The following EBF1 variants were observed in gnomAD, a reference collection of about 807,000 sequenced individuals.
The protein encoded by EBF1 is EBF transcription factor 1.
EBF1 carries 10 observed loss-of-function variants against 68.4 expected under a neutral mutation model. The observed-to-expected ratio is 0.15, with a 90% CI of 0.09 to 0.25. The LOEUF is 0.25. Among genes scored for constraint, EBF1 ranks in the 10% least tolerant of loss-of-function variants. EBF1 has a pLI of 1.00. For synonymous variants in EBF1, 298 were observed against 299.8 expected, an observed-to-expected ratio of 0.99 and a Z score of 0.06; for missense variants, 509 against 794.4, an observed-to-expected ratio of 0.64 and a Z score of 4.32.
intron 6 of EBF1, among the ~76,000 whole-genome samples, chr5:158,933,265 C>T (rs146981002): frequency 2.0e-3 from 304 of 151,900 alleles, no homozygotes; most frequent in Non-Finnish European, 3.3e-3. Context: ...CTAAAGGAAG[C>T]GGGGATAGTT....
intron 6 of EBF1, among the ~76,000 whole-genome samples, chr5:158,970,709 C>G (rs1365796269): frequency 6.6e-6 from 1 of 152,186 alleles, no homozygotes; most frequent in East Asian, 1.9e-4. Flanking sequence ...CATGTCCCAA[C>G]TGTAACTCAA....
At chr5:159,075,382 C>T (rs565614408) in intron 5 of EBF1, among the ~76,000 whole-genome samples, 15 of 152,296 alleles carry the variant, frequency 9.8e-5, no homozygotes, top group Admixed American at 2.6e-4. Flanking sequence ...ACAGAGCCCA[C>T]GTCTCCTTTA....
chr5:159,035,093 G>A (rs1769760079), intron 6 of EBF1, among the ~76,000 whole-genome samples: 1 of 152,012 alleles, frequency 6.6e-6, no homozygotes, highest in South Asian at 2.1e-4. Context: ...TTGACTGATT[G>A]AAGCCATCAG....
At chr5:158,751,291 C>T (rs922086548) in intron 10 of EBF1, among the ~76,000 whole-genome samples, 21 of 151,836 alleles carry the variant, frequency 1.4e-4, no homozygotes, top group African/African-American at 4.3e-4. Context: ...GAGAGACGGG[C>T]GAATGAACAA....
chr5:158,752,308 G>C (rs1437725944), intron 10 of EBF1, among the ~76,000 whole-genome samples: 1 of 145,472 alleles, frequency 6.9e-6, no homozygotes, highest in African/African-American at 2.6e-5. Context: ...AAGATTAAAA[G>C]GGGAAAAAGT....
chr5:158,759,077 T>G (rs898017227), intron 10 of EBF1, among the ~76,000 whole-genome samples: 14 of 152,226 alleles, frequency 9.2e-5, no homozygotes, highest in Non-Finnish European at 1.6e-4. Context: ...AAATGACTTG[T>G]GCACTTCACC....
chr5:158,812,022 T>TA (rs1782766057), intron 8 of EBF1, among the ~76,000 whole-genome samples: 1 of 152,210 alleles, frequency 6.6e-6, no homozygotes, highest in Non-Finnish European at 1.5e-5. Context: ...TTAACCATCA[T>TA]TGCAGTTTAA....
intron 6 of EBF1, among the ~76,000 whole-genome samples, chr5:159,030,437 A>G (rs1768549109): frequency 6.6e-6 from 1 of 152,186 alleles, no homozygotes; most frequent in Non-Finnish European, 1.5e-5. Context: ...GAGTAAATAG[A>G]TATACTTTTA....
At chr5:158,793,342 C>A (rs1372643497) in intron 9 of EBF1, among the ~76,000 whole-genome samples, 2 of 152,136 alleles carry the variant, frequency 1.3e-5, no homozygotes, top group Non-Finnish European at 2.9e-5. Flanking sequence ...TGACAAATGG[C>A]CTCAAACTTG....
chr5:158,929,325 T>G, intron 6 of EBF1, among the ~76,000 whole-genome samples: 1 of 152,210 alleles, frequency 6.6e-6, no homozygotes. Flanking sequence ...GCGACAAAGC[T>G]TCTTTAGAAT....
chr5:159,081,659 T>C (rs890092227), intron 5 of EBF1, among the ~76,000 whole-genome samples: 2 of 152,328 alleles, frequency 1.3e-5, no homozygotes, highest in East Asian at 1.9e-4. Context: ...CCCTGAGAAC[T>C]CATGGTCCTA....
At chr5:159,044,197 T>A (rs1285972222) in intron 6 of EBF1, among the ~76,000 whole-genome samples, 1 of 152,216 alleles carries the variant, frequency 6.6e-6, no homozygotes, top group Admixed American at 6.5e-5. Flanking sequence ...GAATACCCAC[T>A]AATGTTTGTT....
intron 7 of EBF1, among the ~76,000 whole-genome samples, chr5:158,836,502 T>C (rs1204044037): frequency 6.6e-6 from 1 of 150,636 alleles, no homozygotes; most frequent in Non-Finnish European, 1.5e-5. Context: ...CAGAGAGAGG[T>C]AGGAGTAAAT....
intron 9 of EBF1, among the ~76,000 whole-genome samples, chr5:158,791,327 A>C (rs1778565482): frequency 6.6e-6 from 1 of 151,942 alleles, no homozygotes; most frequent in Non-Finnish European, 1.5e-5. Context: ...TCAAAAAAAA[A>C]AAAAAAAAAA....
At chr5:159,086,336 G>T (rs1350393503) in intron 4 of EBF1, among the ~76,000 whole-genome samples, 2 of 152,066 alleles carry the variant, frequency 1.3e-5, no homozygotes, top group Non-Finnish European at 2.9e-5. Flanking sequence ...ATCTAAATCA[G>T]AAAATTAACA....
intron 6 of EBF1, among the ~76,000 whole-genome samples, chr5:158,978,425 T>G (rs1297207942): frequency 6.6e-6 from 1 of 152,250 alleles, no homozygotes; most frequent in Admixed American, 6.5e-5. Context: ...TTTATTTTTT[T>G]GGATCTGCTT....
intron 7 of EBF1, among the ~76,000 whole-genome samples, chr5:158,824,008 A>G (rs1211729647): frequency 6.6e-6 from 1 of 152,188 alleles, no homozygotes; most frequent in Non-Finnish European, 1.5e-5. Context: ...AGTGACTGTG[A>G]ACCCAGTTTG....
At chr5:159,003,419 A>C (rs1197159486) in intron 6 of EBF1, among the ~76,000 whole-genome samples, 5 of 151,830 alleles carry the variant, frequency 3.3e-5, no homozygotes, top group Non-Finnish European at 4.4e-5. Flanking sequence ...ATTGTGAAGT[A>C]TTTTGAATAC....
At chr5:158,937,546 TG>T (rs1308359885) in intron 6 of EBF1, among the ~76,000 whole-genome samples, 1 of 152,158 alleles carries the variant, frequency 6.6e-6, no homozygotes, top group Non-Finnish European at 1.5e-5. Flanking sequence ...GGGAAAGAAT[TG>T]CTCAGGGTCA....
Sources: allele counts gnomAD v4.1 joint callset (sites outside exome capture counted in the v4.1 genomes callset), GRCh38; gene constraint gnomAD v4.1.1; transcripts MANE v1.5; gene names NCBI Gene and HGNC (gene_info 2026-07-23, HGNC 2026-07-21).